ARMC7: variants seen among roughly 807,000 people sequenced by gnomAD.
ARMC7 encodes the protein armadillo repeat-containing protein 7.
Under a neutral mutation model 14.8 loss-of-function variants are expected in ARMC7, and 9 were observed. The ratio of observed to expected loss-of-function variants is 0.61; its 90% CI spans 0.37 to 1.06. The LOEUF (loss-of-function observed/expected upper bound fraction) is 1.06, where lower values mean the gene tolerates loss of function less well. ARMC7 is among the 50% of genes least tolerant of loss of function. The pLI is 0.01. For synonymous variants in ARMC7, 125 were observed against 123.4 expected (o/e 1.01, Z -0.09); for missense variants, 262 against 267.1 (o/e 0.98, Z 0.13).
At position 75,110,571 on chromosome 17, in the gene ARMC7, C is replaced by G. The variant is rs1215933066; in HGVS notation, c.200C>G (p.Ser67Trp). 2 of 1,614,216 alleles carry G rather than the reference C, an allele frequency of 1.2e-6. No homozygotes were observed. Among genetic ancestry groups the G allele is most frequent in the Admixed American group, 1.7e-5 (1 of 60,018 alleles). Reference protein sequence around the residue: ...QVLDLFLDSLSEENETLVEFA... With the variant: ...QVLDLFLDSLWEENETLVEFA... The stretch of plus-strand genomic sequence containing the variant: ...CTGGATTTATTTCTCGATTCGCTGT[C>G]GGAGGAGAATGAGACCCTGGTGGAG... The change falls in exon 2 of 3, where the codon TCG becomes TGG. Residue 67 changes from serine to tryptophan, a missense_variant. Transcript: ENST00000245543.
intron 2 of ARMC7, among the ~76,000 whole-genome samples, chr17:75,116,151 G>A (rs989412856): frequency 6.6e-6 from 1 of 152,210 alleles, no homozygotes; most frequent in Non-Finnish European, 1.5e-5. Context: ...CTGCAGGCCC[G>A]GTGCTGTTGT....
At chr17:75,119,888 T>C (rs773360836) in intron 2 of ARMC7, among the ~76,000 whole-genome samples, 1 of 151,828 alleles carries the variant, frequency 6.6e-6, no homozygotes, top group African/African-American at 2.4e-5. Context: ...AGCTAAGCAC[T>C]TGTCAGAAGC....
At chr17:75,118,401 G>C (rs2127080) in intron 2 of ARMC7, among the ~76,000 whole-genome samples, 2 of 152,130 alleles carry the variant, frequency 1.3e-5, no homozygotes, top group Non-Finnish European at 2.9e-5. Context: ...GTTCCCATCA[G>C]CGGTGGCAGT....
At position 75,110,559 on chromosome 17, in the gene ARMC7, T is replaced by C. The variant is rs1360829824; in HGVS notation, c.188T>C (p.Leu63Pro). The change falls in exon 2 of 3, where the codon CTC (leucine) becomes CCC (proline). Residue 63 changes from leucine (L) to proline (P), a missense_variant. By Grantham distance (98) the Leu-to-Pro change is moderately conservative. Coordinates refer to ENST00000245543, the MANE Select transcript of ARMC7 (RefSeq NM_024585.4). The part of the protein sequence containing the change: ...LRQLQVLDLF[L>P]DSLSEENETL... ...CAGCTGCAGGTCCTGGATTTATTTC[T>C]CGATTCGCTGTCGGAGGAGAATGAG... 1 of 1,614,258 alleles carries C rather than the reference T, an allele frequency of 6.2e-7. No homozygotes were observed.
rs1054353419 is a variant in ARMC7 at position 75,111,160 on chromosome 17, C to T, written c.235+554C>T. ...GTTTTAAAAAGAGCAGTTTTGTAGC[C>T]GGGCGCGGTGGCACACACCTGTAAT... On this transcript the variant is annotated intron_variant, in intron 2 of 2. Coordinates refer to ENST00000245543, the MANE Select transcript of ARMC7 (RefSeq NM_024585.4). Among the ~76,000 whole-genome samples the T allele has an allele frequency of 4.8e-4, 72 of 151,352 alleles. 1 individual carries two copies. Among genetic ancestry groups the T allele is most frequent in the Non-Finnish European group, 8.8e-5 (6 of 67,870 alleles).
At chr17:75,118,381 G>A (rs1255524264) in intron 2 of ARMC7, among the ~76,000 whole-genome samples, 2 of 152,118 alleles carry the variant, frequency 1.3e-5, no homozygotes, top group Non-Finnish European at 2.9e-5. Context: ...GCTTCAGTCT[G>A]GCCTCAAGTG....
intron 2 of ARMC7, among the ~76,000 whole-genome samples, chr17:75,117,007 C>T (rs111481454): frequency 5.3e-5 from 8 of 152,278 alleles, no homozygotes; most frequent in African/African-American, 9.6e-5. Context: ...CAAATGGATT[C>T]GCTCACCCTG....
chr17:75,117,701 C>T (rs1197390640), intron 2 of ARMC7, among the ~76,000 whole-genome samples: 1 of 152,166 alleles, frequency 6.6e-6, no homozygotes, highest in African/African-American at 2.4e-5. Flanking sequence ...CCTCCAGGCC[C>T]CTCAGGGAGT....
chr17:75,123,805 G>T (rs759370590), intron 2 of ARMC7, among the ~76,000 whole-genome samples: 43 of 152,066 alleles, frequency 2.8e-4, no homozygotes, highest in Non-Finnish European at 5.0e-4. Context: ...CAGCTACTTG[G>T]GAGGCTGAGG....
chr17:75,117,274 G>A (rs186068109), intron 2 of ARMC7, among the ~76,000 whole-genome samples: 5 of 152,234 alleles, frequency 3.3e-5, no homozygotes, highest in Non-Finnish European at 7.4e-5. Flanking sequence ...ACGGGGTTTC[G>A]ACATGTTGGC....
At chr17:75,114,541 C>A (rs888050906) in intron 2 of ARMC7, 1 of 394,160 alleles carries the variant, frequency 2.5e-6, no homozygotes. Flanking sequence ...AGCTGAGTCC[C>A]GTCCCTTCTC....
chr17:75,125,143 T>C (rs1482885818), intron 2 of ARMC7, among the ~76,000 whole-genome samples: 3 of 152,310 alleles, frequency 2.0e-5, no homozygotes, highest in Non-Finnish European at 4.4e-5. Context: ...AGATGTGTCC[T>C]GCCTGTGAGC....
At chr17:75,127,123 T>C (rs1365067816) in intron 2 of ARMC7, among the ~76,000 whole-genome samples, 1 of 150,332 alleles carries the variant, frequency 6.7e-6, no homozygotes, top group East Asian at 2.0e-4. Flanking sequence ...GAGTCAGTCT[T>C]AACTCCCAGG....
chr17:75,127,602 T>A (rs967927746), intron 2 of ARMC7, among the ~76,000 whole-genome samples: 1 of 151,780 alleles, frequency 6.6e-6, no homozygotes, highest in African/African-American at 2.4e-5. Context: ...TCCCAGCCAT[T>A]TGTTTGTTTT....
chr17:75,111,078 T>C (rs1370375208), intron 2 of ARMC7, among the ~76,000 whole-genome samples: 1 of 151,820 alleles, frequency 6.6e-6, no homozygotes, highest in African/African-American at 2.4e-5. Context: ...TGAGCTGAGA[T>C]TGTGCTACTG....
At chr17:75,113,834 G>A (rs1158462196) in intron 2 of ARMC7, among the ~76,000 whole-genome samples, 1 of 152,166 alleles carries the variant, frequency 6.6e-6, no homozygotes, top group Admixed American at 6.5e-5. Flanking sequence ...GCCACTCCCT[G>A]GGTTTGGAAG....
At chr17:75,126,784 G>A (rs2074054619) in intron 2 of ARMC7, among the ~76,000 whole-genome samples, 1 of 152,066 alleles carries the variant, frequency 6.6e-6, no homozygotes, top group Non-Finnish European at 1.5e-5. Context: ...AGCTGGGCGG[G>A]GCACAGTGGC....
chr17:75,122,204 C>G (rs1051089706), intron 2 of ARMC7, among the ~76,000 whole-genome samples: 1 of 151,664 alleles, frequency 6.6e-6, no homozygotes, highest in Non-Finnish European at 1.5e-5. Flanking sequence ...GGCATGTTGA[C>G]GGGCGCCTGT....
intron 2 of ARMC7, among the ~76,000 whole-genome samples, chr17:75,125,572 T>C (rs1378614964): frequency 6.6e-6 from 1 of 152,044 alleles, no homozygotes; most frequent in Non-Finnish European, 1.5e-5. Context: ...GCACGGTGGC[T>C]CACACCCGTA....
Sources: gnomAD v4.1 joint callset for allele counts (sites outside exome capture counted in the v4.1 genomes callset) on GRCh38, gnomAD v4.1.1 for gene constraint, MANE v1.5 for transcripts, NCBI Gene and HGNC (gene_info 2026-07-23, HGNC 2026-07-21) for gene names.